Variants in CFAP221 observed in about 807,000 individuals in gnomAD.
CFAP221 encodes cilia- and flagella-associated protein 221.
Under a neutral mutation model 113.1 loss-of-function variants are expected in CFAP221, and 97 were observed. The observed-to-expected ratio is 0.86, with a 90% CI of 0.73 to 1.02. CFAP221 has a LOEUF of 1.02. Ranked by LOEUF, CFAP221 falls within the 50% of genes least tolerant of loss-of-function variation. The probability of loss-of-function intolerance (pLI) is 0.00; values close to 1 mark genes in which losing one functional copy is unlikely to be tolerated. For synonymous variants in CFAP221, 331 were observed against 354.4 expected, an observed-to-expected ratio of 0.93 and a Z score of 0.74; for missense variants, 1,025 against 1,013.4, an observed-to-expected ratio of 1.01 and a Z score of -0.16.
At chr2:119,647,624 G>A (rs772242636) in intron 22 of CFAP221, among the ~76,000 whole-genome samples, 27 of 152,148 alleles carry the variant, frequency 1.8e-4, no homozygotes, top group Non-Finnish European at 3.5e-4. Flanking sequence ...CAGCTCACAC[G>A]TGTACGTCCA....
At chr2:119,654,758 CA>C (rs1688334652) in intron 23 of CFAP221, among the ~76,000 whole-genome samples, 1 of 152,170 alleles carries the variant, frequency 6.6e-6, no homozygotes, top group African/African-American at 2.4e-5. Flanking sequence ...ATTTCCATGA[CA>C]TTTTTAATTT....
chr2:119,625,988 TCA>T (rs1239812764), intron 15 of CFAP221, among the ~76,000 whole-genome samples: 1 of 152,130 alleles, frequency 6.6e-6, no homozygotes, highest in Non-Finnish European at 1.5e-5. Flanking sequence ...ATTTATCATC[TCA>T]CAGTTCTGGA....
chr2:119,592,682 A>T (rs1683680127), intron 7 of CFAP221, among the ~76,000 whole-genome samples: 1 of 152,214 alleles, frequency 6.6e-6, no homozygotes, highest in Non-Finnish European at 1.5e-5. Flanking sequence ...CTGGGGCTGC[A>T]TGCCTCCATG....
chr2:119,617,882 G>T (rs1225282805), intron 14 of CFAP221, among the ~76,000 whole-genome samples: 2 of 152,196 alleles, frequency 1.3e-5, no homozygotes, highest in East Asian at 3.8e-4. Flanking sequence ...CTTTAAACAT[G>T]TCTCCTTTGT....
At chr2:119,625,032 A>G (rs1389813725) in intron 14 of CFAP221, among the ~76,000 whole-genome samples, 14 of 152,190 alleles carry the variant, frequency 9.2e-5, no homozygotes, top group South Asian at 2.1e-4. Context: ...AAAAAAAAAA[A>G]AGAGCTGCTT....
chr2:119,550,779 A>G (rs1433663274), intron 3 of CFAP221, among the ~76,000 whole-genome samples: 2 of 152,184 alleles, frequency 1.3e-5, no homozygotes, highest in Non-Finnish European at 2.9e-5. Flanking sequence ...CATTTACAGT[A>G]TGTATACAAT....
At chr2:119,570,581 T>C (rs1464255641) in intron 6 of CFAP221, among the ~76,000 whole-genome samples, 2 of 152,188 alleles carry the variant, frequency 1.3e-5, no homozygotes, top group African/African-American at 4.8e-5. Context: ...TCTCTATAAA[T>C]TTGCCTGTTC....
At chr2:119,657,637 C>G (rs1020137678), downstream of CFAP221, among the ~76,000 whole-genome samples, 5 of 152,214 alleles carry the variant, frequency 3.3e-5, no homozygotes, top group African/African-American at 1.2e-4. Flanking sequence ...CAGGAAATTA[C>G]AATCGGTACA....
At chr2:119,580,334 T>C (rs1315266429) in intron 6 of CFAP221, 1 of 152,186 alleles carries the variant, frequency 6.6e-6, no homozygotes, top group Non-Finnish European at 1.5e-5. Flanking sequence ...TTATTCAGAA[T>C]TTTTATCAGA....
rs1193817046 is a variant in CFAP221 at position 119,628,287 on chromosome 2, TCTG to T, written c.1650+502_1650+504del. Among the ~76,000 whole-genome samples, 114 of 30,482 alleles carry T rather than the reference TCTG, an allele frequency of 3.7e-3. 3 individuals carry two copies. The South Asian group carries it at 0.14, about 36-fold the overall frequency. The allele number at this position is 30,482 out of a possible 152,430, so 20.0% of individuals were successfully genotyped here. The stretch of plus-strand genomic sequence containing the variant: ...CAACCCACTTCTCTCTCTCTCTCTC[TCTG>T]GGGGGTGTGTGTGTGTGTGTGTGTG... On this transcript the variant is annotated intron_variant, in intron 16 of 23. Transcript: ENST00000413369.
At chr2:119,646,579 C>T (rs1288096921) in intron 21 of CFAP221, among the ~76,000 whole-genome samples, 2 of 152,208 alleles carry the variant, frequency 1.3e-5, no homozygotes, top group Admixed American at 6.5e-5. Flanking sequence ...TCACCTCCCA[C>T]CAGGCTCCAC....
intron 6 of CFAP221, among the ~76,000 whole-genome samples, chr2:119,574,449 A>G (rs973265929): frequency 6.6e-6 from 1 of 152,218 alleles, no homozygotes; most frequent in African/African-American, 2.4e-5. Context: ...TCCCACGAAT[A>G]TTTAAGAATA....
intron 14 of CFAP221, among the ~76,000 whole-genome samples, chr2:119,618,197 T>G (rs1685654563): frequency 6.6e-6 from 1 of 152,198 alleles, no homozygotes; most frequent in Non-Finnish European, 1.5e-5. Context: ...GGCAGGACAT[T>G]TATTTGCTCC....
intron 3 of CFAP221, among the ~76,000 whole-genome samples, chr2:119,554,043 A>G (rs1372989706): frequency 1.3e-5 from 2 of 152,248 alleles, no homozygotes; most frequent in Admixed American, 6.5e-5. Flanking sequence ...ATTTCATCTT[A>G]ATAACATTCT....
At chr2:119,551,468 C>G (rs911521205) in intron 3 of CFAP221, among the ~76,000 whole-genome samples, 1 of 152,154 alleles carries the variant, frequency 6.6e-6, no homozygotes, top group African/African-American at 2.4e-5. Flanking sequence ...GGTAGGGGTT[C>G]AACTTCAATC....
chr2:119,614,408 G>A (rs902548504), intron 13 of CFAP221, among the ~76,000 whole-genome samples: 1 of 152,208 alleles, frequency 6.6e-6, no homozygotes, highest in Non-Finnish European at 1.5e-5. Flanking sequence ...AAATACCTGA[G>A]GCTGGGTAAT....
intron 6 of CFAP221, among the ~76,000 whole-genome samples, chr2:119,565,692 G>A (rs1681571945): frequency 6.6e-6 from 1 of 152,194 alleles, no homozygotes; most frequent in Admixed American, 6.5e-5. Flanking sequence ...GCATGCTACT[G>A]TTTTCCTCCA....
Position 119,560,045 on chromosome 2 carries a change from C to CCT in CFAP221, c.426+19_426+20insCT. 1.1e-6 allele frequency: 1 copy of CCT among 875,464 alleles called. No homozygotes were observed. Among genetic ancestry groups the CCT allele is most frequent in the Non-Finnish European group, 1.6e-6 (1 of 619,944 alleles). 54.2% of individuals were successfully genotyped at this position (875,464 alleles called of 1,614,324 possible). A position where few individuals can be genotyped will look rare whatever the true frequency, so the allele number is the denominator to read the frequency against. ...CTGTAAGGTAGGTCTCTTAAAATTG[C>CCT]TTTTTTTTTTTTTTTTTTTTGATGG... On this transcript the variant is annotated intron_variant, in intron 5 of 23. Transcript: ENST00000413369.
At chr2:119,588,691 G>A (rs1412188678) in intron 7 of CFAP221, among the ~76,000 whole-genome samples, 1 of 152,154 alleles carries the variant, frequency 6.6e-6, no homozygotes, top group African/African-American at 2.4e-5. Context: ...GATTCATCAG[G>A]TAAGAGATTG....
Sources: allele counts gnomAD v4.1 joint callset (sites outside exome capture counted in the v4.1 genomes callset), GRCh38; gene constraint gnomAD v4.1.1; transcripts MANE v1.5; gene names NCBI Gene and HGNC (gene_info 2026-07-23, HGNC 2026-07-21).